KMT2C: variants seen among roughly 807,000 people sequenced by gnomAD.
KMT2C encodes the protein lysine methyltransferase 2C.
A neutral mutation model predicts 507.9 loss-of-function variants in KMT2C; 88 were observed. The observed-to-expected ratio is 0.17, with a 90% CI of 0.15 to 0.21. The LOEUF (loss-of-function observed/expected upper bound fraction) is 0.21. Ranked by LOEUF, KMT2C falls within the 10% of genes least tolerant of loss-of-function variation. KMT2C has a pLI of 1.00. For missense variants in KMT2C, 4,954 were observed against 5,957.8 expected (o/e 0.83, Z 5.55); for synonymous variants, 2,049 against 2,080.8 (o/e 0.98, Z 0.42).
Position 152,181,033 on chromosome 7 carries a change from G to A in KMT2C, c.6827C>T (p.Pro2276Leu), listed in dbSNP as rs1445885320. 3.1e-6 allele frequency: 5 copies of A among 1,614,092 alleles called. No individual in the cohort carries two copies. The African/African-American group carries it at 4.0e-5, about 13-fold the overall frequency. The stretch of plus-strand genomic sequence containing the variant: ...TGAAAGACCAGGTCCAGGGGGCCTA[G>A]GTGTCTGGGAACATGTATCAGGTGG... ...VRPPDTCSQTPRPPGPGLSDT... is the reference protein window; with the variant it reads ...VRPPDTCSQTLRPPGPGLSDT... The change falls in exon 36 of 59, where the codon CCT becomes CTT. Residue 2276 changes from proline to leucine, a missense_variant. Pro to Leu is a moderately conservative substitution (Grantham distance 98, BLOSUM62 -3). Transcript: ENST00000262189.
At chr7:152,307,551 C>T (rs1054449789) in intron 6 of KMT2C, among the ~76,000 whole-genome samples, 3 of 152,110 alleles carry the variant, frequency 2.0e-5, no homozygotes, top group Admixed American at 1.3e-4. Flanking sequence ...CTACCAACTC[C>T]AAGTACTCAA....
chr7:152,416,597 G>A (rs111572770), intron 1 of KMT2C, among the ~76,000 whole-genome samples: 531 of 146,724 alleles, frequency 3.6e-3, no homozygotes, highest in African/African-American at 0.012. Flanking sequence ...ATGGTAGCGC[G>A]CCTGTAATCC....
At chr7:152,301,574 C>T (rs1365274588) in intron 6 of KMT2C, among the ~76,000 whole-genome samples, 3 of 152,060 alleles carry the variant, frequency 2.0e-5, no homozygotes, top group African/African-American at 7.2e-5. Context: ...GTGATCCCAG[C>T]TACTCTAAAG....
chr7:152,240,390 T>C (rs1395987538), intron 14 of KMT2C, among the ~76,000 whole-genome samples: 1 of 152,266 alleles, frequency 6.6e-6, no homozygotes, highest in East Asian at 1.9e-4. Flanking sequence ...CGCTAATCTT[T>C]CTTCATCTCC....
At position 152,136,628 on chromosome 7, in the gene KMT2C, C is replaced by A. The variant is rs1240517605; in HGVS notation, c.*204G>T. On this transcript the variant is annotated 3_prime_UTR_variant, in exon 59 of 59. Coordinates refer to ENST00000262189, the MANE Select transcript of KMT2C (RefSeq NM_170606.3). ...ATTCTGTGATTCCGTTTAACCTCGGCCACTTCAGGAACGCTGCTTCTGTCA... is the reference window on the plus strand; with the variant it reads ...ATTCTGTGATTCCGTTTAACCTCGGACACTTCAGGAACGCTGCTTCTGTCA... The A allele has an allele frequency of 3.6e-6, 2 of 560,204 alleles. No homozygotes were observed. The highest frequency in any genetic ancestry group is 2.9e-5 in the East Asian group (1 of 34,156). 34.7% of individuals were successfully genotyped at this position (560,204 alleles called of 1,614,324 possible).
At chr7:152,335,557 C>T (rs1271434078) in intron 2 of KMT2C, among the ~76,000 whole-genome samples, 1 of 152,198 alleles carries the variant, frequency 6.6e-6, no homozygotes, top group African/African-American at 2.4e-5. Context: ...TCTCTCCAAT[C>T]CAGTATGACT....
intron 22 of KMT2C, 100 bp downstream of exon 22, chr7:152,221,901 C>A (rs1302277305): frequency 1.3e-5 from 10 of 757,884 alleles, no homozygotes; most frequent in Non-Finnish European, 2.2e-5. Flanking sequence ...TTGGATAGAA[C>A]ACCCATATGA....
intron 13 of KMT2C, 70 bp from the exon 14 acceptor site, chr7:152,248,690 A>G: frequency 2.2e-6 from 2 of 923,330 alleles, no homozygotes; most frequent in Non-Finnish European, 3.2e-6. Flanking sequence ...ATAGATATAT[A>G]AAACATTTGG....
intron 52 of KMT2C, among the ~76,000 whole-genome samples, chr7:152,147,707 C>CAA (rs762588729): frequency 0.015 from 692 of 46,136 alleles, 16 homozygotes; most frequent in African/African-American, 0.046. Context: ...AACTCCGTCT[C>CAA]AAAAAAAAAA....
intron 43 of KMT2C, among the ~76,000 whole-genome samples, chr7:152,160,079 T>C (rs1213470061): frequency 2.0e-5 from 3 of 152,346 alleles, no homozygotes; most frequent in Non-Finnish European, 2.9e-5. Flanking sequence ...TGAGCTTGGC[T>C]GCGTTCAAAT....
At chr7:152,411,395 A>G (rs924125504) in intron 1 of KMT2C, among the ~76,000 whole-genome samples, 22 of 82,050 alleles carry the variant, frequency 2.7e-4, no homozygotes, top group Admixed American at 3.8e-4. Context: ...CCCACACAAG[A>G]AAAAAAAGAG....
At chr7:152,384,588 CA>C (rs2097405889) in intron 1 of KMT2C, among the ~76,000 whole-genome samples, 1 of 150,192 alleles carries the variant, frequency 6.7e-6, no homozygotes, top group Non-Finnish European at 1.5e-5. Flanking sequence ...CCACCACCAC[CA>C]CCACCACCAC....
At chr7:152,317,593 G>A (rs1354246559) in intron 3 of KMT2C, among the ~76,000 whole-genome samples, 1 of 152,224 alleles carries the variant, frequency 6.6e-6, no homozygotes, top group Non-Finnish European at 1.5e-5. Context: ...AAATTTTTAA[G>A]AAATTGCTAG....
chr7:152,427,040 G>C (rs548881760), intron 1 of KMT2C, among the ~76,000 whole-genome samples: 1 of 151,824 alleles, frequency 6.6e-6, no homozygotes, highest in Non-Finnish European at 1.5e-5. Context: ...TTTTGAGACA[G>C]AGTCTCACTC....
intron 55 of KMT2C, among the ~76,000 whole-genome samples, chr7:152,140,668 C>T (rs537788515): frequency 6.6e-6 from 1 of 152,244 alleles, no homozygotes; most frequent in South Asian, 2.1e-4. Flanking sequence ...GAACTGAATT[C>T]TAGAATGCAG....
At chr7:152,233,617 T>C (rs2129153791) in intron 16 of KMT2C, among the ~76,000 whole-genome samples, 1 of 152,248 alleles carries the variant, frequency 6.6e-6, no homozygotes, top group South Asian at 2.1e-4. Context: ...CTAGCCAGAC[T>C]GATCAGGAAA....
At chr7:152,244,778 T>C (rs1365548672) in intron 14 of KMT2C, among the ~76,000 whole-genome samples, 4 of 152,108 alleles carry the variant, frequency 2.6e-5, no homozygotes, top group Admixed American at 1.3e-4. Flanking sequence ...ATCAGAAAAA[T>C]GTGTTACTAT....
intron 4 of KMT2C, among the ~76,000 whole-genome samples, chr7:152,314,699 G>C (rs578068723): frequency 2.6e-5 from 4 of 152,180 alleles, no homozygotes; most frequent in African/African-American, 9.6e-5. Flanking sequence ...AAAGACATGA[G>C]TAGTGAAAAC....
At chr7:152,331,939 G>A (rs2096888463) in intron 2 of KMT2C, among the ~76,000 whole-genome samples, 1 of 151,584 alleles carries the variant, frequency 6.6e-6, no homozygotes, top group African/African-American at 2.4e-5. Flanking sequence ...ATGAGCCACT[G>A]TGCCCGGCCA....
Sources: gnomAD v4.1 joint callset for allele counts (sites outside exome capture counted in the v4.1 genomes callset) on GRCh38, gnomAD v4.1.1 for gene constraint, MANE v1.5 for transcripts, NCBI Gene and HGNC (gene_info 2026-07-23, HGNC 2026-07-21) for gene names.